The following RABGAP1L variants were observed in gnomAD, a reference collection of about 807,000 sequenced individuals.
The protein encoded by RABGAP1L is RAB GTPase activating protein 1 like.
A neutral mutation model predicts 137.7 loss-of-function variants in RABGAP1L; 63 were observed. The observed-to-expected ratio is 0.46, with a 90% CI of 0.37 to 0.56. The LOEUF (loss-of-function observed/expected upper bound fraction) is 0.56, where lower values mean the gene tolerates loss of function less well. Ranked by LOEUF, RABGAP1L falls within the 20% of genes least tolerant of loss-of-function variation. The probability of loss-of-function intolerance (pLI) is 0.00; values close to 1 mark genes in which losing one functional copy is unlikely to be tolerated. For synonymous variants in RABGAP1L, 431 were observed against 433.7 expected (o/e 0.99, Z 0.08); for missense variants, 1,095 against 1,244.0 (o/e 0.88, Z 1.80).
chr1:174,370,371 A>G (rs1182208207), intron 11 of RABGAP1L, among the ~76,000 whole-genome samples: 1 of 149,696 alleles, frequency 6.7e-6, no homozygotes, highest in African/African-American at 2.5e-5. Context: ...ATCAACCCAT[A>G]TTGTTTCTTA....
chr1:174,682,306 A>G (rs1678126441), intron 14 of RABGAP1L, among the ~76,000 whole-genome samples: 1 of 70,298 alleles, frequency 1.4e-5, no homozygotes, highest in Non-Finnish European at 2.4e-5. Flanking sequence ...CTATACATAC[A>G]TATATATATA....
At chr1:174,318,548 G>A (rs1679614040) in intron 11 of RABGAP1L, among the ~76,000 whole-genome samples, 1 of 150,660 alleles carries the variant, frequency 6.6e-6, no homozygotes, top group South Asian at 2.1e-4. Flanking sequence ...TTTATCTTTA[G>A]ATAAAGACTT....
intron 21 of RABGAP1L, among the ~76,000 whole-genome samples, chr1:174,969,763 A>C (rs1669974158): frequency 6.6e-6 from 1 of 152,182 alleles, no homozygotes; most frequent in African/African-American, 2.4e-5. Flanking sequence ...CTCCATAATA[A>C]ATGTGAACTT....
intron 11 of RABGAP1L, among the ~76,000 whole-genome samples, chr1:174,332,369 T>A (rs1248845546): frequency 3.4e-5 from 5 of 148,274 alleles, no homozygotes; most frequent in African/African-American, 1.3e-4. Context: ...TGAAGGCAAT[T>A]TTATCTAAAT....
chr1:174,217,012 A>C (rs1669385098), intron 1 of RABGAP1L, among the ~76,000 whole-genome samples: 1 of 152,170 alleles, frequency 6.6e-6, no homozygotes, highest in Non-Finnish European at 1.5e-5. Flanking sequence ...ACAGTAGATA[A>C]GAGCATTGTT....
chr1:174,685,812 T>C (rs1037392750), intron 15 of RABGAP1L, among the ~76,000 whole-genome samples: 3 of 152,142 alleles, frequency 2.0e-5, no homozygotes, highest in African/African-American at 7.2e-5. Flanking sequence ...CCGTCTGCCT[T>C]GGCCTCCTAA....
chr1:174,185,342 T>G (rs954128672), intron 1 of RABGAP1L, among the ~76,000 whole-genome samples: 2 of 152,200 alleles, frequency 1.3e-5, no homozygotes. Context: ...GCAGCTTGCT[T>G]TGAGAATTTT....
intron 14 of RABGAP1L, among the ~76,000 whole-genome samples, chr1:174,643,701 T>C (rs1381209305): frequency 6.6e-6 from 1 of 152,134 alleles, no homozygotes; most frequent in African/African-American, 2.4e-5. Context: ...GGTACCAAAT[T>C]TGCATACTGA....
At chr1:174,547,975 TG>T (rs1379554680) in intron 13 of RABGAP1L, 1 of 1,550,554 alleles carries the variant, frequency 6.4e-7, no homozygotes, top group South Asian at 1.2e-5. Flanking sequence ...TTATACTTTT[TG>T]TTTTAGTTCC....
At chr1:174,584,181 G>T (rs1206553592) in intron 13 of RABGAP1L, among the ~76,000 whole-genome samples, 4 of 152,152 alleles carry the variant, frequency 2.6e-5, no homozygotes, top group South Asian at 2.1e-4. Context: ...CTCTGGCAAT[G>T]TCAACATAAT....
intron 19 of RABGAP1L, among the ~76,000 whole-genome samples, chr1:174,905,984 A>G (rs1659008431): frequency 6.6e-6 from 1 of 152,208 alleles, no homozygotes; most frequent in Non-Finnish European, 1.5e-5. Flanking sequence ...CTGGTGTTCA[A>G]GAGGGAGCTA....
intron 15 of RABGAP1L, among the ~76,000 whole-genome samples, chr1:174,692,481 A>T (rs1456024103): frequency 6.6e-6 from 1 of 152,202 alleles, no homozygotes; most frequent in Non-Finnish European, 1.5e-5. Context: ...ATACAAAACC[A>T]TGTGGAGAAC....
intron 18 of RABGAP1L, among the ~76,000 whole-genome samples, chr1:174,770,566 C>A (rs1032414931): frequency 2.4e-4 from 36 of 152,254 alleles, no homozygotes; most frequent in African/African-American, 7.7e-4. Context: ...ACTTAATGTA[C>A]CCTAAGAAAT....
At chr1:174,472,394 A>G (rs76511630) in intron 13 of RABGAP1L, among the ~76,000 whole-genome samples, 145 of 152,282 alleles carry the variant, frequency 9.5e-4, no homozygotes, top group African/African-American at 3.4e-3. Flanking sequence ...AAGTGGGGAA[A>G]ATTTTTTAAG....
At chr1:174,966,120 T>C (rs1380373145) in intron 20 of RABGAP1L, among the ~76,000 whole-genome samples, 1 of 152,238 alleles carries the variant, frequency 6.6e-6, no homozygotes, top group African/African-American at 2.4e-5. Context: ...ATGACTTTAC[T>C]TGGAGGTTAC....
chr1:174,982,490 A>G (rs1250892568), intron 23 of RABGAP1L, among the ~76,000 whole-genome samples: 1 of 152,250 alleles, frequency 6.6e-6, no homozygotes, highest in South Asian at 2.1e-4. Context: ...TTCTCAGCAT[A>G]CTAACTTGTA....
rs529485315 is a variant in RABGAP1L at position 174,804,762 on chromosome 1, T to G, written c.2212-7070T>G. 1.2e-3 allele frequency among the ~76,000 whole-genome samples: 176 copies of G among 152,378 alleles called. 4 individuals carry two copies. Among genetic ancestry groups the G allele is most frequent in the South Asian group, 9.9e-3 (48 of 4,828 alleles). ...GTTGATTATACATACACAAATGATC[T>G]AGCTGTCCCTTTTCGTAGCCATTTT... On this transcript the variant is annotated intron_variant, in intron 18 of 25. Transcript: ENST00000681986.
intron 1 of RABGAP1L, among the ~76,000 whole-genome samples, chr1:174,215,179 G>C (rs2148446851): frequency 6.6e-6 from 1 of 152,274 alleles, no homozygotes; most frequent in African/African-American, 2.4e-5. Flanking sequence ...AATTTAGATT[G>C]GGTGCAGTGG....
intron 15 of RABGAP1L, among the ~76,000 whole-genome samples, chr1:174,691,684 C>T (rs890584803): frequency 1.3e-5 from 2 of 152,066 alleles, no homozygotes; most frequent in African/African-American, 4.8e-5. Context: ...TATTCCAACA[C>T]CTTAATATTT....
Sources: allele counts gnomAD v4.1 joint callset (sites outside exome capture counted in the v4.1 genomes callset), GRCh38; gene constraint gnomAD v4.1.1; transcripts MANE v1.5; gene names NCBI Gene and HGNC (gene_info 2026-07-23, HGNC 2026-07-21).